PTPN4: variants seen among roughly 807,000 people sequenced by gnomAD.
PTPN4 encodes the protein tyrosine-protein phosphatase non-receptor type 4.
In PTPN4, 49 loss-of-function variants were observed where a neutral mutation model predicts 135.5. That is an observed-to-expected ratio of 0.36 (90% CI 0.29 to 0.46). The LOEUF is 0.46. Among genes scored for constraint, PTPN4 ranks in the 20% least tolerant of loss-of-function variants. The probability of loss-of-function intolerance (pLI) is 1.00; values close to 1 mark genes in which losing one functional copy is unlikely to be tolerated. For missense variants in PTPN4, 860 were observed against 1,101.0 expected, an observed-to-expected ratio of 0.78 and a Z score of 3.10; for synonymous variants, 333 against 369.9, an observed-to-expected ratio of 0.90 and a Z score of 1.14.
chr2:119,848,951 T>C (rs1317375134), intron 2 of PTPN4, among the ~76,000 whole-genome samples: 2 of 152,232 alleles, frequency 1.3e-5, no homozygotes, highest in African/African-American at 4.8e-5. Flanking sequence ...GTTGATCTGC[T>C]TTCAAGTTTG....
chr2:119,893,075 G>T (rs1365641138), intron 9 of PTPN4, among the ~76,000 whole-genome samples: 1 of 152,016 alleles, frequency 6.6e-6, no homozygotes, highest in Non-Finnish European at 1.5e-5. Flanking sequence ...AAAACCATTA[G>T]AGAGTTTTGA....
chr2:119,836,690 C>T (rs914718500), intron 2 of PTPN4, among the ~76,000 whole-genome samples: 1 of 152,244 alleles, frequency 6.6e-6, no homozygotes, highest in African/African-American at 2.4e-5. Flanking sequence ...AGCCCCTCAG[C>T]CCCTGCAGGC....
intron 10 of PTPN4, 35 bp downstream of exon 10, chr2:119,900,841 C>T (rs1678391898): frequency 2.5e-6 from 3 of 1,209,134 alleles, no homozygotes; most frequent in Non-Finnish European, 3.5e-6. Context: ...ATGTTTACCA[C>T]TGTATTACTA....
At chr2:119,781,599 C>T in intron 1 of PTPN4, among the ~76,000 whole-genome samples, 1 of 152,154 alleles carries the variant, frequency 6.6e-6, no homozygotes, top group East Asian at 1.9e-4. Flanking sequence ...AAACTGTGGC[C>T]TGTGGGTCAA....
At chr2:119,840,712 A>C (rs1370959563) in intron 2 of PTPN4, among the ~76,000 whole-genome samples, 1 of 152,224 alleles carries the variant, frequency 6.6e-6, no homozygotes. Flanking sequence ...CCAACAGTGT[A>C]AATAAAACAT....
At chr2:119,844,416 T>C (rs1330487896) in intron 2 of PTPN4, among the ~76,000 whole-genome samples, 71 of 135,132 alleles carry the variant, frequency 5.3e-4, no homozygotes, top group South Asian at 1.8e-3. Flanking sequence ...ACTTCCCAGA[T>C]GGGGTGGCTG....
At chr2:119,786,371 G>A (rs1045815530) in intron 1 of PTPN4, among the ~76,000 whole-genome samples, 1 of 152,166 alleles carries the variant, frequency 6.6e-6, no homozygotes, top group Admixed American at 6.5e-5. Flanking sequence ...ATCCCAGAAT[G>A]TAATGATTTA....
At chr2:119,825,222 CA>C (rs1558737072) in intron 2 of PTPN4, among the ~76,000 whole-genome samples, 1 of 152,020 alleles carries the variant, frequency 6.6e-6, no homozygotes, top group African/African-American at 2.4e-5. Context: ...TCTGTAGAAA[CA>C]GCTTTTTTTT....
chr2:119,785,038 T>G (rs1053553817), intron 1 of PTPN4, among the ~76,000 whole-genome samples: 110 of 152,318 alleles, frequency 7.2e-4, no homozygotes, highest in Admixed American at 7.2e-4. Flanking sequence ...ACTTTAGCAC[T>G]ATTGACATTT....
chr2:119,888,996 C>T (rs186078082), intron 9 of PTPN4, among the ~76,000 whole-genome samples: 1 of 152,238 alleles, frequency 6.6e-6, no homozygotes, highest in East Asian at 1.9e-4. Context: ...TTACTGATTT[C>T]AATATCACTA....
intron 2 of PTPN4, among the ~76,000 whole-genome samples, chr2:119,833,313 C>T (rs929074819): frequency 5.8e-4 from 88 of 152,072 alleles, no homozygotes; most frequent in African/African-American, 1.9e-3. Context: ...TTGTAAATAA[C>T]ATTTGTGTAG....
At chr2:119,810,087 G>A in intron 2 of PTPN4, 96 bp downstream of exon 2, 1 of 1,361,940 alleles carries the variant, frequency 7.3e-7, no homozygotes, top group Admixed American at 2.6e-5. Flanking sequence ...AGTACAGTTT[G>A]AAAAGTCTTA....
intron 15 of PTPN4, among the ~76,000 whole-genome samples, chr2:119,942,180 C>T (rs1416489610): frequency 6.6e-6 from 1 of 152,164 alleles, no homozygotes; most frequent in Non-Finnish European, 1.5e-5. Flanking sequence ...ATAAAAACCA[C>T]CTCTGGAGGT....
At chr2:119,861,331 A>G (rs1677757231) in intron 2 of PTPN4, among the ~76,000 whole-genome samples, 1 of 152,208 alleles carries the variant, frequency 6.6e-6, no homozygotes, top group South Asian at 2.1e-4. Context: ...CACCTCTTAA[A>G]GGTCCTGTCT....
At chr2:119,922,466 G>A (rs1678752413) in intron 12 of PTPN4, among the ~76,000 whole-genome samples, 1 of 152,156 alleles carries the variant, frequency 6.6e-6, no homozygotes, top group Non-Finnish European at 1.5e-5. Flanking sequence ...AAAATCTGAT[G>A]TTAGTATGAT....
intron 26 of PTPN4, among the ~76,000 whole-genome samples, chr2:119,972,804 G>A (rs563806326): frequency 6.6e-6 from 1 of 152,188 alleles, no homozygotes; most frequent in African/African-American, 2.4e-5. Context: ...CTGCATCTGA[G>A]ATATCATGTG....
intron 1 of PTPN4, among the ~76,000 whole-genome samples, chr2:119,765,329 AT>A (rs1207562437): frequency 2.6e-5 from 4 of 152,210 alleles, no homozygotes; most frequent in African/African-American, 7.2e-5. Context: ...ACCATAACTG[AT>A]TTAGACATTT....
chr2:119,933,945 T>C (rs1678944836), intron 14 of PTPN4, among the ~76,000 whole-genome samples: 1 of 152,156 alleles, frequency 6.6e-6, no homozygotes, highest in Non-Finnish European at 1.5e-5. Flanking sequence ...CTCTTCCCTT[T>C]TGCACAAACA....
Position 119,955,139 on chromosome 2 carries a change from T to G in PTPN4, c.1814-18T>G. 6.4e-7 allele frequency: 1 copy of G among 1,574,432 alleles called. No individual in the cohort carries two copies. The highest frequency in any genetic ancestry group is 8.6e-7 in the Non-Finnish European group (1 of 1,165,052). ...AAGATTTCCACGTTTTGGGGTTTGTTTGATTTTTTTTTTTTAGCTGTATAT... is the reference window on the plus strand; with the variant it reads ...AAGATTTCCACGTTTTGGGGTTTGTGTGATTTTTTTTTTTTAGCTGTATAT... On this transcript the variant is annotated intron_variant, in intron 19 of 26. Coordinates refer to ENST00000263708, the MANE Select transcript of PTPN4 (RefSeq NM_002830.4).
Sources: gnomAD v4.1 joint callset for allele counts (sites outside exome capture counted in the v4.1 genomes callset) on GRCh38, gnomAD v4.1.1 for gene constraint, MANE v1.5 for transcripts, NCBI Gene and HGNC (gene_info 2026-07-23, HGNC 2026-07-21) for gene names.